Variants in SLC24A2 observed in about 807,000 individuals in gnomAD.
SLC24A2 encodes the protein solute carrier family 24 member 2, also known as sodium/potassium/calcium exchanger 2.
In SLC24A2, 36 loss-of-function variants were observed where a neutral mutation model predicts 62.0. That is an observed-to-expected ratio of 0.58 (90% CI 0.44 to 0.77). The LOEUF is 0.77. Ranked by LOEUF, SLC24A2 falls within the 30% of genes least tolerant of loss-of-function variation. SLC24A2 has a pLI of 0.00. For synonymous variants in SLC24A2, 358 were observed against 294.0 expected, an observed-to-expected ratio of 1.22 and a Z score of -2.23; for missense variants, 846 against 817.9, an observed-to-expected ratio of 1.03 and a Z score of -0.42.
intron 2 of SLC24A2, among the ~76,000 whole-genome samples, chr9:19,759,368 G>A (rs1327769142): frequency 2.6e-5 from 4 of 152,126 alleles, no homozygotes; most frequent in Admixed American, 2.0e-4. Context: ...TAATGAGATT[G>A]GACCAGATAA....
the SLC24A2 span, among the ~76,000 whole-genome samples, chr9:20,213,957 C>T: frequency 6.6e-6 from 1 of 152,188 alleles, no homozygotes; most frequent in Non-Finnish European, 1.5e-5. Context: ...CGGCATCATG[C>T]AGTATTTGTT....
At chr9:19,736,087 T>C (rs1331051228) in intron 2 of SLC24A2, among the ~76,000 whole-genome samples, 9 of 152,160 alleles carry the variant, frequency 5.9e-5, no homozygotes, top group Non-Finnish European at 8.8e-5. Flanking sequence ...CTGAGATTCT[T>C]AGTACATGCT....
chr9:19,965,287 T>G, the SLC24A2 span, among the ~76,000 whole-genome samples: 14 of 152,216 alleles, frequency 9.2e-5, no homozygotes, highest in African/African-American at 3.4e-4. Context: ...CTTGCCACAG[T>G]GCTGAAGCAG....
intron 2 of SLC24A2, among the ~76,000 whole-genome samples, chr9:19,769,280 C>T (rs1300350281): frequency 6.6e-6 from 1 of 152,216 alleles, no homozygotes; most frequent in Non-Finnish European, 1.5e-5. Flanking sequence ...GCTCTACCTT[C>T]AAGATACGTC....
the SLC24A2 span, among the ~76,000 whole-genome samples, chr9:20,188,279 T>A: frequency 6.6e-6 from 1 of 152,238 alleles, no homozygotes; most frequent in South Asian, 2.1e-4. Context: ...CCATCTTGGG[T>A]GCCATCATGA....
chr9:20,236,675 T>A, the SLC24A2 span, among the ~76,000 whole-genome samples: 1 of 152,146 alleles, frequency 6.6e-6, no homozygotes, highest in Admixed American at 6.5e-5. Flanking sequence ...CCCTGAATAA[T>A]TGAACTAAAA....
the SLC24A2 span, among the ~76,000 whole-genome samples, chr9:20,231,884 C>T: frequency 2.0e-4 from 31 of 152,208 alleles, no homozygotes; most frequent in South Asian, 4.2e-4. Context: ...TCATAGATAG[C>T]TCTTATTATT....
At chr9:19,910,816 A>C in the SLC24A2 span, among the ~76,000 whole-genome samples, 3 of 152,008 alleles carry the variant, frequency 2.0e-5, no homozygotes, top group South Asian at 6.2e-4. Context: ...TTCTTCCTCT[A>C]TGCGTCCATA....
the SLC24A2 span, among the ~76,000 whole-genome samples, chr9:20,228,973 C>A: frequency 3.3e-5 from 5 of 151,966 alleles, no homozygotes; most frequent in African/African-American, 7.3e-5. Context: ...GCAATAAAGG[C>A]CTCTGGGGGA....
intron 2 of SLC24A2, among the ~76,000 whole-genome samples, chr9:19,745,563 C>A (rs995886839): frequency 1.3e-5 from 2 of 152,020 alleles, no homozygotes; most frequent in Non-Finnish European, 2.9e-5. Flanking sequence ...GCATCCAAGG[C>A]GATTGTGATG....
Position 19,529,635 on chromosome 9 carries a change from A to C in SLC24A2, c.1480-1497T>G, listed in dbSNP as rs75567550. ...CTTTTCCCTGCTCCCTTTCTTTCTT[A>C]GAAGAAAAATATTTTGGACAAGGAC... is the stretch of plus-strand genomic sequence containing the variant. On this transcript the variant is annotated intron_variant, in intron 8 of 10. Coordinates refer to ENST00000341998, the MANE Select transcript of SLC24A2 (RefSeq NM_020344.4). 8.8e-3 allele frequency among the ~76,000 whole-genome samples: 1,336 copies of C among 152,178 alleles called. 18 individuals carry two copies. The highest frequency in any genetic ancestry group is 0.031 in the African/African-American group (1,272 of 41,526).
chr9:19,787,758 T>C (rs1014664670), intron 1 of SLC24A2, among the ~76,000 whole-genome samples: 1 of 152,210 alleles, frequency 6.6e-6, no homozygotes, highest in Non-Finnish European at 1.5e-5. Context: ...TTTAGTCATA[T>C]TTAAAATAGG....
chr9:20,073,387 G>C, the SLC24A2 span, among the ~76,000 whole-genome samples: 2 of 152,102 alleles, frequency 1.3e-5, no homozygotes. Context: ...TAATTCAAAA[G>C]TCAACTGGTT....
At chr9:19,828,012 G>C in the SLC24A2 span, among the ~76,000 whole-genome samples, 337 of 152,250 alleles carry the variant, frequency 2.2e-3, 1 homozygote, top group Non-Finnish European at 3.5e-3. Flanking sequence ...AGAAAGCAGC[G>C]AGGGATTAAT....
chr9:20,299,073 A>G, the SLC24A2 span, among the ~76,000 whole-genome samples: 1 of 152,188 alleles, frequency 6.6e-6, no homozygotes, highest in Admixed American at 6.5e-5. Context: ...GGACAATTTG[A>G]GGTCTTGAGA....
intron 8 of SLC24A2, among the ~76,000 whole-genome samples, chr9:19,541,480 G>C (rs1337320551): frequency 7.9e-5 from 12 of 151,078 alleles, no homozygotes; most frequent in South Asian, 2.1e-4. Flanking sequence ...AGGTGTCAGT[G>C]TGCCCCTGCT....
the SLC24A2 span, among the ~76,000 whole-genome samples, chr9:20,102,927 G>A: frequency 7.2e-5 from 11 of 152,208 alleles, no homozygotes; most frequent in Non-Finnish European, 1.2e-4. Flanking sequence ...AGGGATCAGG[G>A]AGTTCCCTTT....
At chr9:19,725,689 T>C (rs943511) in intron 2 of SLC24A2, among the ~76,000 whole-genome samples, 14,213 of 152,154 alleles carry the variant, frequency 0.093, 670 homozygotes, top group South Asian at 0.15. Flanking sequence ...AAAATACATA[T>C]AAAGGCCACC....
the SLC24A2 span, among the ~76,000 whole-genome samples, chr9:20,261,580 A>G: frequency 1.3e-5 from 2 of 152,260 alleles, no homozygotes; most frequent in Middle Eastern, 3.4e-3. Flanking sequence ...ACACTGCTGA[A>G]TTGGGGATTA....
Sources: allele counts gnomAD v4.1 joint callset (sites outside exome capture counted in the v4.1 genomes callset), GRCh38; gene constraint gnomAD v4.1.1; transcripts MANE v1.5; gene names NCBI Gene and HGNC (gene_info 2026-07-23, HGNC 2026-07-21).